DIAPH2: variants seen among roughly 807,000 people sequenced by gnomAD.
The protein encoded by DIAPH2 is diaphanous related formin 2, also known as protein diaphanous homolog 2.
A neutral mutation model predicts 92.7 loss-of-function variants in DIAPH2; 35 were observed. The observed-to-expected ratio is 0.38, with a 90% CI of 0.29 to 0.50. DIAPH2 has a LOEUF of 0.50. DIAPH2 is among the 20% of genes least tolerant of loss of function. DIAPH2 has a pLI of 0.94. For synonymous variants in DIAPH2, 301 were observed against 280.4 expected (o/e 1.07, Z -0.73); for missense variants, 701 against 819.5 (o/e 0.86, Z 1.77).
chrX:97,544,374 CAA>C (rs2071164030), intron 26 of DIAPH2, among the ~76,000 whole-genome samples: 1 of 111,957 alleles, frequency 8.9e-6, no homozygotes, highest in Admixed American at 9.4e-5. Context: ...TATCTCAAAC[CAA>C]AGTGATTCAA....
At chrX:97,364,772 T>C (rs1305362473) in intron 24 of DIAPH2, among the ~76,000 whole-genome samples, 11 of 106,430 alleles carry the variant, frequency 1.0e-4, no homozygotes, top group Non-Finnish European at 1.7e-4. Flanking sequence ...TTTTTTTTTT[T>C]TTTTTTGGAT....
intron 19 of DIAPH2, among the ~76,000 whole-genome samples, chrX:97,076,684 T>G (rs759829535): frequency 8.9e-6 from 1 of 111,885 alleles, no homozygotes; most frequent in South Asian, 3.8e-4. Flanking sequence ...CTGTGGAAGC[T>G]CTTCTATTTT....
At chrX:97,597,364 C>T (rs894657278) in intron 26 of DIAPH2, among the ~76,000 whole-genome samples, 2 of 112,278 alleles carry the variant, frequency 1.8e-5, no homozygotes, top group Non-Finnish European at 3.8e-5. Flanking sequence ...CCAGATGACA[C>T]CAGTAAGTTG....
At position 97,425,055 on chromosome X, in the gene DIAPH2, A is replaced by G. The variant is rs1170766693; in HGVS notation, c.3146-4595A>G. On this transcript the variant is annotated intron_variant, in intron 25 of 26. Transcript: ENST00000324765. ...TTATGTTTGCATATTATTTAGGTAA[A>G]TCATAAATATATTTTTTCAGTAATT... Among the ~76,000 whole-genome samples the G allele has an allele frequency of 2.7e-5, 3 of 112,606 alleles. No homozygotes were observed. In the East Asian group the frequency reaches 8.3e-4, roughly 31 times the overall value.
chrX:97,428,528 T>A (rs1358441487), intron 25 of DIAPH2, among the ~76,000 whole-genome samples: 1 of 106,163 alleles, frequency 9.4e-6, no homozygotes, highest in Non-Finnish European at 1.9e-5. Context: ...AGAGCGAAAC[T>A]CTGTCTCAAA....
intron 17 of DIAPH2, among the ~76,000 whole-genome samples, chrX:97,051,955 G>A (rs2066523219): frequency 8.9e-6 from 1 of 111,986 alleles, no homozygotes; most frequent in Non-Finnish European, 1.9e-5. Flanking sequence ...GCTTGTTAAA[G>A]CCAATTTATC....
At chrX:96,961,183 G>A (rs1313761240) in intron 16 of DIAPH2, among the ~76,000 whole-genome samples, 1 of 111,009 alleles carries the variant, frequency 9.0e-6, no homozygotes, top group African/African-American at 3.3e-5. Context: ...TTACAAGTTT[G>A]GAAGAATTCA....
At chrX:97,480,682 C>T (rs1011935488) in intron 26 of DIAPH2, among the ~76,000 whole-genome samples, 1 of 110,684 alleles carries the variant, frequency 9.0e-6, no homozygotes, top group African/African-American at 3.3e-5. Context: ...AGATCAGGAC[C>T]GATCTTATAC....
intron 17 of DIAPH2, among the ~76,000 whole-genome samples, chrX:97,069,279 C>G (rs930408487): frequency 3.4e-4 from 38 of 111,089 alleles, no homozygotes; most frequent in African/African-American, 1.2e-3. Flanking sequence ...AAGGGACATC[C>G]TTTTAATTCT....
chrX:96,996,181 A>G (rs1412966569), intron 17 of DIAPH2, among the ~76,000 whole-genome samples: 1 of 111,870 alleles, frequency 8.9e-6, no homozygotes, highest in African/African-American at 3.2e-5. Flanking sequence ...TTCATTCACA[A>G]TGGAGTATAA....
intron 17 of DIAPH2, among the ~76,000 whole-genome samples, chrX:97,061,039 A>G (rs1188251755): frequency 8.9e-6 from 1 of 112,791 alleles, no homozygotes; most frequent in African/African-American, 3.2e-5. Flanking sequence ...CAATATTAAA[A>G]GTAAACTCAA....
chrX:97,045,535 C>G (rs772083548), intron 17 of DIAPH2, among the ~76,000 whole-genome samples: 201 of 111,372 alleles, frequency 1.8e-3, no homozygotes, highest in South Asian at 3.0e-3. Context: ...AGCCCTGATG[C>G]ATTCTATCAT....
At chrX:96,739,347 A>G (rs1236252161) in intron 3 of DIAPH2, among the ~76,000 whole-genome samples, 1 of 111,271 alleles carries the variant, frequency 9.0e-6, no homozygotes, top group Non-Finnish European at 1.9e-5. Flanking sequence ...GAGAGGGGAG[A>G]GATGAGGAAT....
intron 3 of DIAPH2, among the ~76,000 whole-genome samples, chrX:96,748,493 G>A (rs891541820): frequency 1.3e-4 from 15 of 111,718 alleles, no homozygotes; most frequent in African/African-American, 4.2e-4. Context: ...TGAATTATCC[G>A]TCTTTATTTT....
At chrX:97,049,642 A>T (rs908459019) in intron 17 of DIAPH2, among the ~76,000 whole-genome samples, 3 of 111,302 alleles carry the variant, frequency 2.7e-5, no homozygotes, top group African/African-American at 9.8e-5. Flanking sequence ...TACATGTTCA[A>T]TGAATTGAAT....
Position 96,918,506 on chromosome X carries a change from C to T in DIAPH2, c.870-3C>T, listed in dbSNP as rs1170759284. On this transcript the variant is annotated splice_region_variant and splice_polypyrimidine_tract_variant and intron_variant, in intron 8 of 26. Coordinates refer to ENST00000324765, the MANE Select transcript of DIAPH2 (RefSeq NM_006729.5). ...ATTTCTGTTTCTTCTTTTTTCTCTACAGTCTAGATAAACTTTTAGGGGCTA... is the reference window on the plus strand; with the variant it reads ...ATTTCTGTTTCTTCTTTTTTCTCTATAGTCTAGATAAACTTTTAGGGGCTA... The T allele has an allele frequency of 4.3e-6, 5 of 1,149,851 alleles. No individual in the cohort carries two copies. Among genetic ancestry groups the T allele is most frequent in the Non-Finnish European group, 4.7e-6 (4 of 850,195 alleles). The allele number at this position is 1,149,851 out of a possible 1,213,427, so 94.8% of individuals were successfully genotyped here. A position where few individuals can be genotyped will look rare whatever the true frequency, so the allele number is the denominator to read the frequency against.
intron 26 of DIAPH2, among the ~76,000 whole-genome samples, chrX:97,546,759 C>G (rs1422538613): frequency 9.0e-6 from 1 of 110,715 alleles, no homozygotes; most frequent in Non-Finnish European, 1.9e-5. Flanking sequence ...TCACTCGAAC[C>G]CAGGAGGCGG....
chrX:97,360,625 AAAAC>A (rs748263406), intron 24 of DIAPH2, among the ~76,000 whole-genome samples: 197 of 111,529 alleles, frequency 1.8e-3, no homozygotes, highest in African/African-American at 5.2e-3. Context: ...CTTCATCTCT[AAAAC>A]AAACAAACAA....
chrX:96,887,463 A>G (rs2065271258), intron 5 of DIAPH2, among the ~76,000 whole-genome samples: 1 of 111,311 alleles, frequency 9.0e-6, no homozygotes, highest in Non-Finnish European at 1.9e-5. Flanking sequence ...GGAACCTGAA[A>G]AACATAATTG....
Sources: allele counts gnomAD v4.1 joint callset (sites outside exome capture counted in the v4.1 genomes callset), GRCh38; gene constraint gnomAD v4.1.1; transcripts MANE v1.5; gene names NCBI Gene and HGNC (gene_info 2026-07-23, HGNC 2026-07-21).